PLCL1: variants seen among roughly 807,000 people sequenced by gnomAD.
The protein encoded by PLCL1 is inactive phospholipase C-like protein 1.
In PLCL1, 41 loss-of-function variants were observed where a neutral mutation model predicts 84.4. The ratio of observed to expected loss-of-function variants is 0.49; its 90% CI spans 0.38 to 0.63. The LOEUF (loss-of-function observed/expected upper bound fraction) is 0.63, where lower values mean the gene tolerates loss of function less well. Ranked by LOEUF, PLCL1 falls within the 30% of genes least tolerant of loss-of-function variation. PLCL1 has a pLI of 0.00. For synonymous variants in PLCL1, 490 were observed against 488.3 expected (o/e 1.00, Z -0.05); for missense variants, 1,206 against 1,367.8 (o/e 0.88, Z 1.87).
intron 1 of PLCL1, among the ~76,000 whole-genome samples, chr2:197,868,892 T>C (rs1193971046): frequency 6.6e-6 from 1 of 152,108 alleles, no homozygotes; most frequent in African/African-American, 2.4e-5. Context: ...GAGAAAAGAA[T>C]AGACTACCAG....
chr2:197,840,611 G>A (rs1337771683), intron 1 of PLCL1, among the ~76,000 whole-genome samples: 2 of 151,994 alleles, frequency 1.3e-5, no homozygotes, highest in African/African-American at 2.4e-5. Context: ...CTGATGAAAG[G>A]GCAAATCCTA....
chr2:197,842,480 G>C (rs2105670629), intron 1 of PLCL1, among the ~76,000 whole-genome samples: 1 of 152,152 alleles, frequency 6.6e-6, no homozygotes, highest in South Asian at 2.1e-4. Flanking sequence ...TCCCCCATCA[G>C]CACCTCTAAA....
At chr2:198,043,642 A>G (rs1049975248) in intron 1 of PLCL1, among the ~76,000 whole-genome samples, 7 of 152,156 alleles carry the variant, frequency 4.6e-5, no homozygotes, top group African/African-American at 1.7e-4. Flanking sequence ...AAGGTGAGAG[A>G]ATCTAGAACA....
At chr2:198,006,500 C>T (rs550908970) in intron 1 of PLCL1, among the ~76,000 whole-genome samples, 37 of 152,216 alleles carry the variant, frequency 2.4e-4, no homozygotes, top group Admixed American at 1.8e-3. Context: ...ACTCTGGAGG[C>T]GTGTTGCCTC....
intron 1 of PLCL1, among the ~76,000 whole-genome samples, chr2:197,976,574 G>A (rs1047429927): frequency 2.6e-5 from 4 of 152,108 alleles, no homozygotes; most frequent in African/African-American, 7.2e-5. Context: ...TCAGCCTCCT[G>A]AGTAGCTGGG....
At chr2:197,909,691 G>A (rs1194445622) in intron 1 of PLCL1, among the ~76,000 whole-genome samples, 1 of 152,188 alleles carries the variant, frequency 6.6e-6, no homozygotes, top group Non-Finnish European at 1.5e-5. Context: ...TTGGATGGTG[G>A]CCTGGAATTC....
At chr2:197,947,815 T>G (rs2105780031) in intron 1 of PLCL1, among the ~76,000 whole-genome samples, 1 of 152,222 alleles carries the variant, frequency 6.6e-6, no homozygotes, top group Admixed American at 6.5e-5. Flanking sequence ...GGGTGGCACT[T>G]AAGTATTTTT....
chr2:198,102,774 T>C (rs548996441), intron 4 of PLCL1, among the ~76,000 whole-genome samples: 1 of 152,254 alleles, frequency 6.6e-6, no homozygotes, highest in South Asian at 2.1e-4. Flanking sequence ...AGTTTAGACC[T>C]TTTTGGTCTG....
intron 1 of PLCL1, among the ~76,000 whole-genome samples, chr2:198,080,639 A>AC (rs1199585632): frequency 6.6e-6 from 1 of 152,206 alleles, no homozygotes; most frequent in Non-Finnish European, 1.5e-5. Flanking sequence ...GAAATATCAG[A>AC]CAACTGAACC....
At chr2:198,059,648 C>T (rs1438726852) in intron 1 of PLCL1, among the ~76,000 whole-genome samples, 1 of 152,054 alleles carries the variant, frequency 6.6e-6, no homozygotes, top group African/African-American at 2.4e-5. Flanking sequence ...TGGGTTCAGC[C>T]AAGCTAGCCC....
At chr2:197,862,140 A>G (rs999852253) in intron 1 of PLCL1, among the ~76,000 whole-genome samples, 1 of 152,168 alleles carries the variant, frequency 6.6e-6, no homozygotes, top group Non-Finnish European at 1.5e-5. Flanking sequence ...AATAATTTAG[A>G]TAGCATCTAT....
intron 1 of PLCL1, among the ~76,000 whole-genome samples, chr2:197,928,477 A>G (rs1227093619): frequency 6.6e-6 from 1 of 152,208 alleles, no homozygotes; most frequent in East Asian, 1.9e-4. Flanking sequence ...TAAATATTCA[A>G]GATGCTCTGA....
chr2:198,134,044 GTTGA>G (rs1694192670), intron 5 of PLCL1, among the ~76,000 whole-genome samples: 1 of 152,158 alleles, frequency 6.6e-6, no homozygotes, highest in Non-Finnish European at 1.5e-5. Flanking sequence ...GGATAGGTAA[GTTGA>G]TCAAGCCAAC....
chr2:198,095,982 A>G (rs1693180687), intron 3 of PLCL1, among the ~76,000 whole-genome samples: 1 of 152,232 alleles, frequency 6.6e-6, no homozygotes, highest in South Asian at 2.1e-4. Flanking sequence ...CCACTTGTAA[A>G]ATAACATTTT....
chr2:198,085,856 A>G lies in PLCL1; in HGVS notation c.2339A>G (p.Glu780Gly). 3 of 1,614,188 alleles carry G rather than the reference A, an allele frequency of 1.9e-6. No homozygotes were observed. Among genetic ancestry groups the G allele is most frequent in the Non-Finnish European group, 1.7e-6 (2 of 1,180,006 alleles). The part of the protein sequence containing the change: ...QQNSDNPIFD[E>G]TFEFQVNLPE... The stretch of plus-strand genomic sequence containing the variant: ...AACAGTGATAATCCTATTTTTGATG[A>G]AACTTTTGAGTTCCAAGTAAACCTA... The change falls in exon 2 of 6, where the codon GAA becomes GGA. Residue 780 changes from glutamate (E) to glycine (G), a missense_variant. Physicochemically the swap from Glu to Gly is moderately conservative, Grantham distance 98 (BLOSUM62 -2). Transcript: ENST00000428675. This position sits in a 1 kb window ranked among gnomAD's most constrained non-coding sequence, Gnocchi z 5.3.
intron 1 of PLCL1, among the ~76,000 whole-genome samples, chr2:198,059,764 T>A (rs981885219): frequency 6.6e-6 from 1 of 152,178 alleles, no homozygotes; most frequent in Non-Finnish European, 1.5e-5. Context: ...CTGAATTCTC[T>A]GTTTTGCAAG....
chr2:198,031,486 C>T (rs886491050), intron 1 of PLCL1, among the ~76,000 whole-genome samples: 36 of 151,542 alleles, frequency 2.4e-4, no homozygotes, highest in South Asian at 1.9e-3. Context: ...ATGGATTGAC[C>T]GTTCAGTATT....
At chr2:197,974,323 A>G (rs901567356) in intron 1 of PLCL1, among the ~76,000 whole-genome samples, 2 of 152,234 alleles carry the variant, frequency 1.3e-5, no homozygotes, top group Admixed American at 1.3e-4. Flanking sequence ...AACCATTGGC[A>G]TGGATCTGAT....
chr2:197,822,847 G>GA (rs1316169953), intron 1 of PLCL1, among the ~76,000 whole-genome samples: 1 of 151,936 alleles, frequency 6.6e-6, no homozygotes, highest in East Asian at 1.9e-4. Context: ...TGTTTTTCTG[G>GA]AAAAAAATAC....
Sources: gnomAD v4.1 joint callset for allele counts (sites outside exome capture counted in the v4.1 genomes callset) on GRCh38, gnomAD v4.1.1 for gene constraint, Gnocchi (gnomAD v3.1) non-coding constraint, MANE v1.5 for transcripts, NCBI Gene and HGNC (gene_info 2026-07-23, HGNC 2026-07-21) for gene names.